The following HDAC9 variants were observed in gnomAD, a reference collection of about 807,000 sequenced individuals.
HDAC9 encodes MEF-2 interacting transcription repressor (MITR) protein.
A neutral mutation model predicts 139.4 loss-of-function variants in HDAC9; 41 were observed. That is an observed-to-expected ratio of 0.29 (90% confidence interval 0.23 to 0.38). HDAC9 has a LOEUF of 0.38. Among genes scored for constraint, HDAC9 ranks in the 10% least tolerant of loss-of-function variants. The probability of loss-of-function intolerance (pLI) is 1.00; values close to 1 mark genes in which losing one functional copy is unlikely to be tolerated. For synonymous variants in HDAC9, 517 were observed against 476.2 expected, an observed-to-expected ratio of 1.09 and a Z score of -1.12; for missense variants, 1,147 against 1,297.0, an observed-to-expected ratio of 0.88 and a Z score of 1.78.
chr7:18,478,076 CT>C (rs1188149874), intron 1 of HDAC9, among the ~76,000 whole-genome samples: 134 of 144,902 alleles, frequency 9.2e-4, no homozygotes, highest in Admixed American at 1.1e-3. Context: ...ACAAAAAAAA[CT>C]TTTTTTTTTT....
intron 2 of HDAC9, among the ~76,000 whole-genome samples, chr7:18,168,894 TTTTTGTG>T (rs1014668183): frequency 3.6e-5 from 4 of 111,720 alleles, no homozygotes; most frequent in African/African-American, 1.3e-4. Context: ...TTTTTTTTTT[TTTTTGTG>T]TGTGTGTGTG....
At chr7:18,229,546 C>G (rs548443825) in intron 2 of HDAC9, among the ~76,000 whole-genome samples, 3 of 152,272 alleles carry the variant, frequency 2.0e-5, no homozygotes, top group South Asian at 4.1e-4. Context: ...ATATGGACAG[C>G]AGCTGCCAAG....
chr7:18,829,094 TC>T (rs1795671767), intron 17 of HDAC9, 66 bp from the exon 18 acceptor site: 2 of 1,104,192 alleles, frequency 1.8e-6, no homozygotes, highest in African/African-American at 3.1e-5. Flanking sequence ...TGCCTGGAGA[TC>T]CAAGCAATCC....
intron 17 of HDAC9, among the ~76,000 whole-genome samples, chr7:18,799,861 C>T (rs867775900): frequency 3.9e-5 from 6 of 152,196 alleles, no homozygotes; most frequent in South Asian, 4.1e-4. Flanking sequence ...GAAGAAATTA[C>T]GGCTGAATAT....
At chr7:18,955,238 C>T (rs139313172) in intron 24 of HDAC9, among the ~76,000 whole-genome samples, 6 of 152,138 alleles carry the variant, frequency 3.9e-5, no homozygotes, top group Non-Finnish European at 8.8e-5. Context: ...GACAAAGCAG[C>T]GAAGGCTGGA....
At chr7:18,386,500 T>A (rs1785943194) in intron 1 of HDAC9, among the ~76,000 whole-genome samples, 1 of 152,186 alleles carries the variant, frequency 6.6e-6, no homozygotes, top group Non-Finnish European at 1.5e-5. Flanking sequence ...ACTTAATACC[T>A]TTTGAAGCCA....
chr7:18,851,320 G>A (rs1335004952), intron 21 of HDAC9: 4 of 152,190 alleles, frequency 2.6e-5, no homozygotes, highest in Admixed American at 6.5e-5. Context: ...TCCCCACGCT[G>A]TTCTCATTAT....
At chr7:18,491,841 G>T (rs1011377414), upstream of HDAC9, among the ~76,000 whole-genome samples, 8 of 151,772 alleles carry the variant, frequency 5.3e-5, no homozygotes, top group African/African-American at 1.9e-4. Context: ...TAACATTGAG[G>T]GGAGATCTTC....
intron 12 of HDAC9, among the ~76,000 whole-genome samples, chr7:18,676,309 C>T (rs1781504218): frequency 6.6e-6 from 1 of 151,920 alleles, no homozygotes; most frequent in African/African-American, 2.4e-5. Context: ...ATTTTTCTGT[C>T]TCTGCTTTTT....
intron 1 of HDAC9, among the ~76,000 whole-genome samples, chr7:18,152,416 T>C (rs1786848672): frequency 6.6e-6 from 1 of 152,172 alleles, no homozygotes; most frequent in Admixed American, 6.5e-5. Flanking sequence ...TCTCTATATA[T>C]GTTTGTTATT....
chr7:18,387,182 T>C (rs1436946746), intron 1 of HDAC9, among the ~76,000 whole-genome samples: 2 of 152,208 alleles, frequency 1.3e-5, no homozygotes, highest in African/African-American at 2.4e-5. Context: ...GTTGAATCTT[T>C]TCTATGTTTC....
At chr7:18,261,470 C>A (rs1049881815) in intron 2 of HDAC9, among the ~76,000 whole-genome samples, 3 of 152,154 alleles carry the variant, frequency 2.0e-5, no homozygotes, top group African/African-American at 7.2e-5. Flanking sequence ...TACCACAGTT[C>A]AGTCCATTGG....
At chr7:18,934,597 G>A (rs1302350129) in intron 22 of HDAC9, among the ~76,000 whole-genome samples, 4 of 152,056 alleles carry the variant, frequency 2.6e-5, no homozygotes, top group Admixed American at 2.0e-4. Flanking sequence ...AGTTAAATTA[G>A]AAATAGAAAA....
chr7:18,604,641 C>T (rs542586123), intron 6 of HDAC9, among the ~76,000 whole-genome samples: 11 of 152,130 alleles, frequency 7.2e-5, no homozygotes, highest in East Asian at 5.8e-4. Flanking sequence ...CCTCATGATC[C>T]GCCTGTCTCG....
intron 3 of HDAC9, 131 bp downstream of exon 3, chr7:18,585,653 T>C: frequency 8.2e-7 from 1 of 1,221,982 alleles, no homozygotes; most frequent in Non-Finnish European, 1.1e-6. Flanking sequence ...TTGAAGGGAA[T>C]TGTGATTTTA....
Position 18,340,461 on chromosome 7 carries a change from T to C in HDAC9, c.-42+49946T>C, listed in dbSNP as rs139752051. ...TTCCCTTTTTACTTTTGTACCTTTT[T>C]ATGGGTTGATTATTTTGAAAATGAT... is the stretch of plus-strand genomic sequence containing the variant. On this transcript the variant is annotated intron_variant, in intron 1 of 3. Transcript: ENST00000413509. Among the ~76,000 whole-genome samples, 600 of 151,728 alleles carry C rather than the reference T, an allele frequency of 4.0e-3. 3 individuals carry two copies. The highest frequency in any genetic ancestry group is 0.014 in the African/African-American group (583 of 41,500).
intron 1 of HDAC9, among the ~76,000 whole-genome samples, chr7:18,103,358 G>T (rs988575955): frequency 2.0e-5 from 3 of 151,930 alleles, no homozygotes; most frequent in South Asian, 2.1e-4. Flanking sequence ...TTTTATATTC[G>T]GGGGATACAT....
chr7:18,097,148 A>AT (rs1380950840), intron 1 of HDAC9, among the ~76,000 whole-genome samples: 63 of 152,330 alleles, frequency 4.1e-4, no homozygotes, highest in African/African-American at 1.5e-3. Flanking sequence ...ACACATGGCT[A>AT]GTGGGCAGCA....
At chr7:18,256,862 G>T (rs890903462) in intron 2 of HDAC9, among the ~76,000 whole-genome samples, 1 of 151,970 alleles carries the variant, frequency 6.6e-6, no homozygotes, top group African/African-American at 2.4e-5. Context: ...GCAAGGTAGG[G>T]GGATTGCTTG....
Sources: allele counts gnomAD v4.1 joint callset (sites outside exome capture counted in the v4.1 genomes callset), GRCh38; gene constraint gnomAD v4.1.1; transcripts MANE v1.5; gene names NCBI Gene and HGNC (gene_info 2026-07-23, HGNC 2026-07-21).